The following IPCEF1 variants were observed in gnomAD, a reference collection of about 807,000 sequenced individuals.
IPCEF1 encodes the protein interactor protein for cytohesin exchange factors 1.
In IPCEF1, 31 loss-of-function variants were observed where a neutral mutation model predicts 50.9. That is an observed-to-expected ratio of 0.61 (90% CI 0.46 to 0.82). IPCEF1 has a LOEUF of 0.82. Ranked by LOEUF, IPCEF1 falls within the 40% of genes least tolerant of loss-of-function variation. The pLI is 0.00. For synonymous variants in IPCEF1, 181 were observed against 192.0 expected (o/e 0.94, Z 0.47); for missense variants, 458 against 514.0 (o/e 0.89, Z 1.05).
At chr6:154,235,240 G>A (rs1263274279) in intron 5 of IPCEF1, among the ~76,000 whole-genome samples, 3 of 152,186 alleles carry the variant, frequency 2.0e-5, no homozygotes, top group Non-Finnish European at 4.4e-5. Flanking sequence ...TAGAGATTTA[G>A]AAGTAATAGG....
chr6:154,333,745 A>G (rs985205912), intron 1 of IPCEF1, among the ~76,000 whole-genome samples: 2 of 151,428 alleles, frequency 1.3e-5, no homozygotes, highest in African/African-American at 2.4e-5. Flanking sequence ...ATGTATATAT[A>G]TGTGTATGTA....
intron 10 of IPCEF1, among the ~76,000 whole-genome samples, chr6:154,192,176 G>T (rs1165551649): frequency 2.0e-5 from 3 of 152,126 alleles, no homozygotes; most frequent in Non-Finnish European, 2.9e-5. Flanking sequence ...AACTTTACTA[G>T]ATGATGACAA....
At chr6:154,186,006 G>A (rs889242017) in intron 10 of IPCEF1, among the ~76,000 whole-genome samples, 2 of 152,076 alleles carry the variant, frequency 1.3e-5, no homozygotes, top group Non-Finnish European at 2.9e-5. Flanking sequence ...TGTTCTTTGC[G>A]GCCTATCAAT....
chr6:154,307,138 T>C (rs1782956050), intron 1 of IPCEF1, among the ~76,000 whole-genome samples: 1 of 152,170 alleles, frequency 6.6e-6, no homozygotes, highest in Non-Finnish European at 1.5e-5. Flanking sequence ...TACAATCTGA[T>C]ATGGTTTGGC....
chr6:154,160,062 G>A (rs1467338912), intron 11 of IPCEF1, 22 bp from the exon 12 acceptor site: 1 of 1,569,360 alleles, frequency 6.4e-7, no homozygotes, highest in Non-Finnish European at 8.7e-7. Context: ...GAAAAAAAGG[G>A]GAAGGGGGTA....
chr6:154,350,715 T>C (rs1784106212), intron 1 of IPCEF1, among the ~76,000 whole-genome samples: 1 of 152,144 alleles, frequency 6.6e-6, no homozygotes, highest in African/African-American at 2.4e-5. Context: ...ATCAACGCAA[T>C]TGGTTAGTTT....
chr6:154,312,562 G>A (rs1166547057), intron 1 of IPCEF1, among the ~76,000 whole-genome samples: 3 of 151,944 alleles, frequency 2.0e-5, no homozygotes, highest in African/African-American at 7.3e-5. Context: ...TGGCCAGGCT[G>A]GTCTCGAACT....
At chr6:154,182,955 C>A (rs1801020601) in intron 10 of IPCEF1, among the ~76,000 whole-genome samples, 1 of 151,948 alleles carries the variant, frequency 6.6e-6, no homozygotes, top group African/African-American at 2.4e-5. Flanking sequence ...AATATGAAGG[C>A]TGAACAAATA....
intron 1 of IPCEF1, among the ~76,000 whole-genome samples, chr6:154,293,204 C>T (rs1233355194): frequency 6.6e-6 from 1 of 152,178 alleles, no homozygotes; most frequent in Admixed American, 6.5e-5. Context: ...GAGAAACAAA[C>T]AGGTTTCCCA....
chr6:154,325,983 T>C (rs1783508342), intron 1 of IPCEF1, among the ~76,000 whole-genome samples: 1 of 152,134 alleles, frequency 6.6e-6, no homozygotes, highest in South Asian at 2.1e-4. Flanking sequence ...CCCAGCATTT[T>C]GGGAGGCCGA....
chr6:154,160,495 C>G (rs1798922286), intron 11 of IPCEF1, among the ~76,000 whole-genome samples: 1 of 152,130 alleles, frequency 6.6e-6, no homozygotes, highest in Non-Finnish European at 1.5e-5. Flanking sequence ...ATTAAATTAT[C>G]TTTATTTTTA....
intron 10 of IPCEF1, among the ~76,000 whole-genome samples, chr6:154,180,460 A>G (rs944371819): frequency 2.7e-5 from 4 of 150,656 alleles, no homozygotes; most frequent in Non-Finnish European, 5.9e-5. Context: ...AGCAAATGAG[A>G]CAAAACAACA....
intron 1 of IPCEF1, among the ~76,000 whole-genome samples, chr6:154,351,706 T>A (rs1227606223): frequency 2.0e-5 from 3 of 152,172 alleles, no homozygotes; most frequent in African/African-American, 7.2e-5. Flanking sequence ...ATTGTGGTGG[T>A]TTGAGGCAGG....
At chr6:154,230,395 A>G (rs1025224966) in intron 5 of IPCEF1, among the ~76,000 whole-genome samples, 1 of 152,222 alleles carries the variant, frequency 6.6e-6, no homozygotes, top group Non-Finnish European at 1.5e-5. Context: ...AAAAAAATTA[A>G]GTCTTTTAGA....
At chr6:154,344,004 G>C (rs1473642240) in intron 1 of IPCEF1, among the ~76,000 whole-genome samples, 2 of 152,176 alleles carry the variant, frequency 1.3e-5, no homozygotes, top group Non-Finnish European at 2.9e-5. Context: ...GGGAGGGCCA[G>C]TTTTTGTGCA....
chr6:154,185,672 G>C (rs1801276612), intron 10 of IPCEF1, among the ~76,000 whole-genome samples: 1 of 151,952 alleles, frequency 6.6e-6, no homozygotes, highest in South Asian at 2.1e-4. Flanking sequence ...TTTTAATCCG[G>C]GGGTGTCCAA....
At chr6:154,195,262 C>T (rs2033282718) in intron 10 of IPCEF1, among the ~76,000 whole-genome samples, 1 of 151,632 alleles carries the variant, frequency 6.6e-6, no homozygotes, top group African/African-American at 2.4e-5. Context: ...ATTCTCCTGC[C>T]TCAGCCTCCC....
chr6:154,160,707 A>C (rs1376010566), intron 11 of IPCEF1, among the ~76,000 whole-genome samples: 2 of 152,192 alleles, frequency 1.3e-5, no homozygotes, highest in African/African-American at 4.8e-5. Context: ...TTCTATAGAC[A>C]AGGAATGGAG....
chr6:154,183,891 AAAAC>A (rs1417161659), intron 10 of IPCEF1, among the ~76,000 whole-genome samples: 1 of 152,172 alleles, frequency 6.6e-6, no homozygotes, highest in Non-Finnish European at 1.5e-5. Flanking sequence ...CCCTGTATCA[AAAAC>A]AAACAAACAA....
Sources: allele counts gnomAD v4.1 joint callset (sites outside exome capture counted in the v4.1 genomes callset), GRCh38; gene constraint gnomAD v4.1.1; transcripts MANE v1.5; gene names NCBI Gene and HGNC (gene_info 2026-07-23, HGNC 2026-07-21).